Variants in PUDP observed in about 807,000 individuals in gnomAD.
The protein encoded by PUDP is pseudouridine 5'-phosphatase.
PUDP carries 8 observed loss-of-function variants against 9.4 expected under a neutral mutation model. That is an observed-to-expected ratio of 0.85 (90% confidence interval 0.50 to 1.53). The LOEUF (loss-of-function observed/expected upper bound fraction) is 1.53, where lower values mean the gene tolerates loss of function less well. PUDP is among the 40% of genes most tolerant of loss of function. PUDP has a pLI of 0.00. For missense variants in PUDP, 188 were observed against 189.7 expected, an observed-to-expected ratio of 0.99 and a Z score of 0.05; for synonymous variants, 99 against 80.7, an observed-to-expected ratio of 1.23 and a Z score of -1.22.
At chrX:7,013,918 C>G (rs1602713746) in intron 1 of PUDP, among the ~76,000 whole-genome samples, 1 of 111,881 alleles carries the variant, frequency 8.9e-6, no homozygotes, top group South Asian at 3.7e-4. Flanking sequence ...GTATTCCCAG[C>G]TTTTGCCCAG....
rs181434973 is a variant in PUDP, at chrX:6,833,488, T to C, written c.*248-127022A>G. Among the ~76,000 whole-genome samples, 3 of 111,681 alleles carry C rather than the reference T, an allele frequency of 2.7e-5. No homozygotes were observed. The East Asian group carries it at 8.5e-4, about 32-fold the overall frequency. On this transcript the variant is annotated intron_variant and NMD_transcript_variant, in intron 3 of 3. Coordinates refer to the PUDP transcript ENST00000655425. ...ATGAATGAAGGCACAAATGAATGAATGAATAGGTGGATAGATAGCTAAATG... is the reference window on the plus strand; with the variant it reads ...ATGAATGAAGGCACAAATGAATGAACGAATAGGTGGATAGATAGCTAAATG...
At chrX:6,709,610 C>T (rs1221064505) in intron 1 of PUDP, among the ~76,000 whole-genome samples, 1 of 112,008 alleles carries the variant, frequency 8.9e-6, no homozygotes, top group African/African-American at 3.2e-5. Flanking sequence ...TCAGCCCCCT[C>T]CTTCCTTGGA....
chrX:7,039,590 C>T (rs1307332954), intron 1 of PUDP, among the ~76,000 whole-genome samples: 1 of 111,596 alleles, frequency 9.0e-6, no homozygotes, highest in Admixed American at 9.5e-5. Context: ...GAGAAGACAC[C>T]ACCTACAAGC....
At chrX:6,932,946 T>G (rs6530007) in intron 3 of PUDP, among the ~76,000 whole-genome samples, 24,750 of 107,736 alleles carry the variant, frequency 0.23, 2,460 homozygotes, top group Admixed American at 0.34. Flanking sequence ...CAGGCTTGCT[T>G]AGGTAAACAA....
intron 3 of PUDP, among the ~76,000 whole-genome samples, chrX:7,058,551 A>G (rs1930311614): frequency 8.9e-6 from 1 of 112,220 alleles, no homozygotes; most frequent in Admixed American, 9.4e-5. Flanking sequence ...AGGGGGCCTT[A>G]AACTTTGTTT....
At chrX:7,042,492 A>G (rs1199981156) in intron 1 of PUDP, among the ~76,000 whole-genome samples, 1 of 112,008 alleles carries the variant, frequency 8.9e-6, no homozygotes, top group East Asian at 2.8e-4. Flanking sequence ...GGTAAGAAGT[A>G]CTAGAAACAC....
chrX:7,021,432 C>T (rs779155740), intron 1 of PUDP, among the ~76,000 whole-genome samples: 4 of 111,409 alleles, frequency 3.6e-5, no homozygotes, highest in African/African-American at 9.8e-5. Context: ...ATGCACCCCC[C>T]CTTAGTTTCT....
intron 3 of PUDP, among the ~76,000 whole-genome samples, chrX:6,751,200 A>G (rs745834349): frequency 9.0e-6 from 1 of 111,515 alleles, no homozygotes; most frequent in Non-Finnish European, 1.9e-5. Context: ...AAAGAAAGAA[A>G]GAAAAAGAAA....
At chrX:6,834,041 C>T (rs1224798609) in intron 3 of PUDP, among the ~76,000 whole-genome samples, 1 of 111,179 alleles carries the variant, frequency 9.0e-6, no homozygotes, top group East Asian at 2.8e-4. Flanking sequence ...ACTAGGATGA[C>T]CAAGAGTATT....
At chrX:7,114,290 C>G (rs1932136604) in intron 1 of PUDP, among the ~76,000 whole-genome samples, 2 of 110,550 alleles carry the variant, frequency 1.8e-5, no homozygotes, top group African/African-American at 6.6e-5. Flanking sequence ...ACTATGTTGG[C>G]CAGGCTGGTC....
intron 3 of PUDP, among the ~76,000 whole-genome samples, chrX:6,809,043 A>T (rs1233729136): frequency 2.7e-5 from 3 of 111,634 alleles, no homozygotes; most frequent in African/African-American, 9.8e-5. Context: ...AAGAGAATTG[A>T]AGGCATCAGA....
At chrX:6,823,321 G>T (rs996183102) in intron 3 of PUDP, among the ~76,000 whole-genome samples, 1 of 112,183 alleles carries the variant, frequency 8.9e-6, no homozygotes, top group African/African-American at 3.2e-5. Flanking sequence ...TGTCTATTGT[G>T]GGGGGATATT....
At chrX:7,097,202 T>C (rs1358998087) in intron 2 of PUDP, among the ~76,000 whole-genome samples, 3 of 111,804 alleles carry the variant, frequency 2.7e-5, no homozygotes, top group Non-Finnish European at 3.8e-5. Flanking sequence ...CAGGTTGCAT[T>C]CTGACACGCC....
chrX:6,900,084 C>T (rs1927652478), intron 3 of PUDP, among the ~76,000 whole-genome samples: 1 of 110,088 alleles, frequency 9.1e-6, no homozygotes, highest in Non-Finnish European at 1.9e-5. Context: ...CATGGTGGTG[C>T]ATGCCTGAAG....
At chrX:6,790,571 T>C (rs1925728536) in intron 3 of PUDP, among the ~76,000 whole-genome samples, 1 of 112,703 alleles carries the variant, frequency 8.9e-6, no homozygotes, top group South Asian at 3.7e-4. Flanking sequence ...AGGTAATACA[T>C]ACATTTCAAC....
At chrX:6,789,549 A>C (rs1306335535) in intron 3 of PUDP, among the ~76,000 whole-genome samples, 3 of 110,918 alleles carry the variant, frequency 2.7e-5, no homozygotes, top group Non-Finnish European at 1.9e-5. Flanking sequence ...CAAATAAAGA[A>C]GGGAGGATGA....
intron 1 of PUDP, among the ~76,000 whole-genome samples, chrX:6,983,686 C>T (rs1303207245): frequency 9.0e-6 from 1 of 111,696 alleles, no homozygotes; most frequent in Admixed American, 9.5e-5. Flanking sequence ...TCAGCCTACG[C>T]CCAGTAATGA....
intron 3 of PUDP, among the ~76,000 whole-genome samples, chrX:6,749,669 C>A (rs189953195): frequency 2.2e-4 from 25 of 111,849 alleles, no homozygotes; most frequent in African/African-American, 7.1e-4. Flanking sequence ...GATGCCTTTG[C>A]CTAAGATATG....
At chrX:7,073,585 C>T (rs1930808766) in intron 3 of PUDP, among the ~76,000 whole-genome samples, 1 of 112,820 alleles carries the variant, frequency 8.9e-6, no homozygotes, top group South Asian at 3.6e-4. Context: ...TGAAGAGCTC[C>T]AAGATCGTCC....
Sources: gnomAD v4.1 joint callset for allele counts (sites outside exome capture counted in the v4.1 genomes callset) on GRCh38, gnomAD v4.1.1 for gene constraint, MANE v1.5 for transcripts, NCBI Gene and HGNC (gene_info 2026-07-23, HGNC 2026-07-21) for gene names.